Variants in SRGAP2B observed in about 807,000 individuals in gnomAD.
SRGAP2B encodes SLIT-ROBO Rho GTPase-activating protein 2B.
In SRGAP2B, 9 loss-of-function variants were observed where a neutral mutation model predicts 22.2. That is an observed-to-expected ratio of 0.41 (90% CI 0.24 to 0.71). The LOEUF is 0.71. SRGAP2B is among the 30% of genes least tolerant of loss of function. The pLI, the probability that SRGAP2B is intolerant of heterozygous loss-of-function variation, is 0.35. For missense variants in SRGAP2B, 114 were observed against 235.8 expected (o/e 0.48, Z 3.38); for synonymous variants, 36 against 87.4 (o/e 0.41, Z 3.28).
At chr1:144,932,307 A>T (rs1553605796) in intron 4 of SRGAP2B, among the ~76,000 whole-genome samples, 1 of 150,820 alleles carries the variant, frequency 6.6e-6, no homozygotes, top group African/African-American at 2.5e-5. Flanking sequence ...TTCATTCTCC[A>T]CAGGCGCTAC....
intron 4 of SRGAP2B, among the ~76,000 whole-genome samples, chr1:144,942,759 G>T (rs1553607604): frequency 6.6e-6 from 1 of 151,960 alleles, no homozygotes; most frequent in East Asian, 1.9e-4. Flanking sequence ...GAGGTACAGA[G>T]ATGACAAAAA....
intron 3 of SRGAP2B, among the ~76,000 whole-genome samples, chr1:144,960,509 A>G (rs1667589813): frequency 6.7e-6 from 1 of 150,266 alleles, no homozygotes; most frequent in Non-Finnish European, 1.5e-5. Context: ...TGGACTATTT[A>G]TGGACGTTCA....
chr1:145,056,940 T>C (rs1331224847), intron 2 of SRGAP2B, among the ~76,000 whole-genome samples: 1 of 128,148 alleles, frequency 7.8e-6, no homozygotes, highest in Non-Finnish European at 1.6e-5. Flanking sequence ...TGGTCAGAGT[T>C]GAAGGAGATA....
intron 3 of SRGAP2B, among the ~76,000 whole-genome samples, chr1:144,976,094 A>T (rs1668885488): frequency 6.8e-6 from 1 of 147,308 alleles, no homozygotes; most frequent in South Asian, 2.1e-4. Flanking sequence ...GTTAGCCAGG[A>T]TGGTCTTGAT....
chr1:144,952,515 T>A (rs1666951007), intron 4 of SRGAP2B, among the ~76,000 whole-genome samples: 1 of 150,382 alleles, frequency 6.6e-6, no homozygotes, highest in Admixed American at 6.6e-5. Context: ...TTTTTTTTTT[T>A]AGGAGTCAGG....
chr1:144,910,449 T>A (rs1282902351), intron 5 of SRGAP2B, among the ~76,000 whole-genome samples: 1 of 148,020 alleles, frequency 6.8e-6, no homozygotes, highest in Non-Finnish European at 1.5e-5. Flanking sequence ...TTAAGTGCCA[T>A]TGTTTCAAGG....
chr1:144,965,960 G>A (rs1422666935), intron 3 of SRGAP2B, among the ~76,000 whole-genome samples: 2 of 150,830 alleles, frequency 1.3e-5, no homozygotes, highest in Non-Finnish European at 2.9e-5. Context: ...AAAAAGAAAT[G>A]AGCAAAGCCT....
At chr1:144,984,215 G>A (rs1406129662) in intron 3 of SRGAP2B, among the ~76,000 whole-genome samples, 1 of 150,152 alleles carries the variant, frequency 6.7e-6, no homozygotes, top group Non-Finnish European at 1.5e-5. Context: ...AGCTACTCGG[G>A]AGGCTGAGGC....
chr1:144,994,940 C>T (rs1489405558), intron 3 of SRGAP2B, 68 bp downstream of exon 3: 2 of 813,846 alleles, frequency 2.5e-6, no homozygotes, highest in Non-Finnish European at 3.6e-6. Flanking sequence ...AAGTGGCATA[C>T]CCTGCCCCCC....
intron 2 of SRGAP2B, among the ~76,000 whole-genome samples, chr1:145,038,958 A>AAATAACCATCATCAATT (rs1648955270): frequency 1.8e-5 from 1 of 57,124 alleles, no homozygotes; most frequent in Non-Finnish European, 3.6e-5. Flanking sequence ...CAAAAAGGAA[A>AAATAACCATCATCAATT]GGGGAAGCTA....
intron 2 of SRGAP2B, among the ~76,000 whole-genome samples, chr1:144,997,339 G>A (rs1385553083): frequency 4.0e-5 from 6 of 151,024 alleles, no homozygotes; most frequent in Admixed American, 6.6e-5. Flanking sequence ...GCTGAGGTGC[G>A]AGAATGGCGT....
At chr1:145,079,698 A>G (rs2102467294) in intron 2 of SRGAP2B, among the ~76,000 whole-genome samples, 1 of 120,114 alleles carries the variant, frequency 8.3e-6, no homozygotes, top group East Asian at 2.3e-4. Flanking sequence ...AAAACAACAG[A>G]CTATTACTAG....
intron 4 of SRGAP2B, among the ~76,000 whole-genome samples, chr1:144,950,564 A>T (rs1325461634): frequency 3.0e-5 from 4 of 133,422 alleles, no homozygotes; most frequent in African/African-American, 1.2e-4. Flanking sequence ...TTTCATTCCC[A>T]ACTTCCAGCT....
rs1166192625 is a variant in SRGAP2B, at chr1:144,906,181, T to C, written c.487-107A>G. 37 of 618,848 alleles carry C rather than the reference T, an allele frequency of 6.0e-5. No homozygotes were observed. The Middle Eastern group carries it at 2.1e-3, about 35-fold the overall frequency. The allele number at this position is 618,848 out of a possible 1,614,324, so 38.3% of individuals were successfully genotyped here. A position where few individuals can be genotyped will look rare whatever the true frequency, so the allele number is the denominator to read the frequency against. On this transcript the variant is annotated intron_variant, in intron 5 of 9. Transcript: ENST00000612199. The stretch of plus-strand genomic sequence containing the variant: ...TGGAGCTCTCCCCCATGAAGCAATA[T>C]CCTCACACCCCTAAGGGAAAAATCC...
At chr1:145,061,775 A>T (rs1167371402) in intron 2 of SRGAP2B, among the ~76,000 whole-genome samples, 1 of 138,024 alleles carries the variant, frequency 7.2e-6, no homozygotes, top group African/African-American at 2.8e-5. Flanking sequence ...TTTTTTTTTT[A>T]GTAGAGACGG....
intron 2 of SRGAP2B, among the ~76,000 whole-genome samples, chr1:145,085,084 A>G (rs1387073395): frequency 6.6e-6 from 1 of 151,574 alleles, no homozygotes; most frequent in Non-Finnish European, 1.5e-5. Context: ...CTGGGATTAC[A>G]GGCACCCACC....
At chr1:144,986,480 T>C (rs1259352045) in intron 3 of SRGAP2B, among the ~76,000 whole-genome samples, 2 of 149,656 alleles carry the variant, frequency 1.3e-5, no homozygotes, top group African/African-American at 5.1e-5. Context: ...TACAGTACTA[T>C]TGTCACTCCA....
chr1:145,087,997 T>C (rs1434680976), intron 2 of SRGAP2B, among the ~76,000 whole-genome samples: 1 of 150,666 alleles, frequency 6.6e-6, no homozygotes, highest in African/African-American at 2.5e-5. Context: ...TTTTTTCCCC[T>C]GAGCAAGGGA....
At chr1:144,906,144 A>G (rs1313415848) in intron 5 of SRGAP2B, 70 bp from the exon 6 acceptor site, 3 of 705,920 alleles carry the variant, frequency 4.2e-6, no homozygotes, top group Non-Finnish European at 7.8e-6. Context: ...TTTACAGACT[A>G]ACAGACTCAG....
Sources: gnomAD v4.1 joint callset for allele counts (sites outside exome capture counted in the v4.1 genomes callset) on GRCh38, gnomAD v4.1.1 for gene constraint, MANE v1.5 for transcripts, NCBI Gene and HGNC (gene_info 2026-07-23, HGNC 2026-07-21) for gene names.